Variants in CD200R1 observed in about 807,000 individuals in gnomAD.
The protein encoded by CD200R1 is CD200 receptor 1.
CD200R1 carries 30 observed loss-of-function variants against 38.1 expected under a neutral mutation model. The ratio of observed to expected loss-of-function variants is 0.79; its 90% confidence interval spans 0.59 to 1.07. The LOEUF is 1.07. Among genes scored for constraint, CD200R1 ranks in the 50% least tolerant of loss-of-function variants. The probability of loss-of-function intolerance (pLI) is 0.00; values close to 1 mark genes in which losing one functional copy is unlikely to be tolerated. For synonymous variants in CD200R1, 128 were observed against 152.1 expected, an observed-to-expected ratio of 0.84 and a Z score of 1.16; for missense variants, 372 against 415.4, an observed-to-expected ratio of 0.90 and a Z score of 0.91.
intron 1 of CD200R1, among the ~76,000 whole-genome samples, chr3:112,959,580 C>A (rs1932963715): frequency 1.3e-5 from 2 of 151,960 alleles, no homozygotes; most frequent in African/African-American, 2.4e-5. Flanking sequence ...TACAGTACTT[C>A]AAAAAATAGA....
chr3:112,970,462 G>T (rs1427580502), intron 1 of CD200R1, among the ~76,000 whole-genome samples: 1 of 151,974 alleles, frequency 6.6e-6, no homozygotes, highest in Non-Finnish European at 1.5e-5. Flanking sequence ...TTGATTCTTA[G>T]GGCCTACTAG....
chr3:112,923,817 G>T lies in CD200R1; in HGVS notation c.925-18C>A. ...ATTTCATCCTAAGAAAGAACTCAAA[G>T]TTAAAATCAATTCAAAAAATCATCA... is the stretch of plus-strand genomic sequence containing the variant. On this transcript the variant is annotated intron_variant, in intron 7 of 7. Transcript: ENST00000308611. The T allele has an allele frequency of 6.8e-7, 1 of 1,478,016 alleles. No homozygotes were observed. Among genetic ancestry groups the T allele is most frequent in the Non-Finnish European group, 9.3e-7 (1 of 1,078,340 alleles). The allele number at this position is 1,478,016 out of a possible 1,614,324, so 91.6% of individuals were successfully genotyped here.
In CD200R1 at chr3:112,921,327, A is replaced by C. The variant is rs1444042158; in HGVS notation, c.*2350T>G. On this transcript the variant is annotated 3_prime_UTR_variant, in exon 8 of 8. Coordinates refer to ENST00000308611, the MANE Select transcript of CD200R1 (RefSeq NM_138806.4). ...ATGTGCAAAATTTAACAAACTGTAC[A>C]CTTAAATATATCAATTATATCTCAG... 4 of 152,094 alleles carry C rather than the reference A, an allele frequency of 2.6e-5. No homozygotes were observed. Among genetic ancestry groups the C allele is most frequent in the Non-Finnish European group, 2.9e-5 (2 of 67,998 alleles). The allele number at this position is 152,094 out of a possible 1,614,324, so 9.4% of individuals were successfully genotyped here. A position where few individuals can be genotyped will look rare whatever the true frequency, so the allele number is the denominator to read the frequency against.
Position 112,925,196 on chromosome 3 carries a change from A to AT in CD200R1, c.770-4dup, listed in dbSNP as rs1189337388. ...TGCTGATTTTTTGGCACCTGGAACT[A>AT]TAGACACAAAAATATATGGTTCAAA... On this transcript the variant is annotated splice_polypyrimidine_tract_variant and splice_region_variant and intron_variant, in intron 5 of 7. Transcript: ENST00000308611. The AT allele has an allele frequency of 7.4e-7, 1 of 1,359,350 alleles. No homozygotes were observed. The highest frequency in any genetic ancestry group is 1.4e-5 in the African/African-American group (1 of 69,498). The allele number at this position is 1,359,350 out of a possible 1,614,324, so 84.2% of individuals were successfully genotyped here. A position where few individuals can be genotyped will look rare whatever the true frequency, so the allele number is the denominator to read the frequency against.
rs77310434 is a variant in CD200R1 at position 112,967,534 on chromosome 3, A to G, written c.67+7257T>C. ...ATTTGCAGTAATTGATTTAATATCT[A>G]TCTTTCCCACCAGATTTAAATTCCA... is the stretch of plus-strand genomic sequence containing the variant. On this transcript the variant is annotated intron_variant, in intron 1 of 7. Transcript: ENST00000308611. Among the ~76,000 whole-genome samples the G allele has an allele frequency of 3.5e-3, 526 of 152,348 alleles. 2 individuals carry two copies. The highest frequency in any genetic ancestry group is 0.012 in the African/African-American group (499 of 41,578).
intron 2 of CD200R1, among the ~76,000 whole-genome samples, chr3:112,941,205 G>T (rs150043821): frequency 0.021 from 3,246 of 151,674 alleles, 39 homozygotes; most frequent in South Asian, 0.047. Flanking sequence ...CAAAATTATA[G>T]CTAGGTAGGA....
At chr3:112,930,536 A>C (rs1940403918) in intron 3 of CD200R1, among the ~76,000 whole-genome samples, 1 of 152,248 alleles carries the variant, frequency 6.6e-6, no homozygotes, top group South Asian at 2.1e-4. Context: ...GCATCCCATA[A>C]ATCGACACAA....
intron 1 of CD200R1, among the ~76,000 whole-genome samples, chr3:112,971,596 G>A (rs1163729960): frequency 6.6e-6 from 1 of 152,014 alleles, no homozygotes; most frequent in Non-Finnish European, 1.5e-5. Context: ...TAGTGCCACC[G>A]CCACTCAATG....
chr3:112,967,159 A>G (rs1209147646), intron 1 of CD200R1, among the ~76,000 whole-genome samples: 1 of 151,782 alleles, frequency 6.6e-6, no homozygotes, highest in African/African-American at 2.4e-5. Context: ...CTCCTTGGGC[A>G]TCGTAATGTC....
chr3:112,966,190 G>C (rs1933156478), intron 1 of CD200R1, among the ~76,000 whole-genome samples: 3 of 152,130 alleles, frequency 2.0e-5, no homozygotes, highest in Non-Finnish European at 4.4e-5. Context: ...GATAGTTGGG[G>C]TGATGAGGAA....
intron 6 of CD200R1, among the ~76,000 whole-genome samples, 160 bp from the exon 7 acceptor site, chr3:112,924,695 C>T (rs1226075791): frequency 6.6e-6 from 1 of 151,910 alleles, no homozygotes; most frequent in Non-Finnish European, 1.5e-5. Context: ...GAATACTGCT[C>T]GTGGTTAATA....
rs1270676663 is a variant in CD200R1 at position 112,974,957 on chromosome 3, A to G, written c.-100T>C. 1.1e-6 allele frequency: 1 copy of G among 893,470 alleles called. No homozygotes were observed. The highest frequency in any genetic ancestry group is 1.9e-5 in the Admixed American group (1 of 51,998). The allele number at this position is 893,470 out of a possible 1,614,324, so 55.3% of individuals were successfully genotyped here. A position where few individuals can be genotyped will look rare whatever the true frequency, so the allele number is the denominator to read the frequency against. ...TGAGACCCTCTCTGGTCAACTTCTCAGTACAGGATCCTCTTACCCCATCAA... is the reference window on the plus strand; with the variant it reads ...TGAGACCCTCTCTGGTCAACTTCTCGGTACAGGATCCTCTTACCCCATCAA... On this transcript the variant is annotated 5_prime_UTR_variant, in exon 1 of 8. Coordinates refer to ENST00000308611, the MANE Select transcript of CD200R1 (RefSeq NM_138806.4).
At chr3:112,931,210 T>G (rs778522473) in intron 2 of CD200R1, 39 bp from the exon 3 acceptor site, 5 of 1,337,618 alleles carry the variant, frequency 3.7e-6, no homozygotes, top group Non-Finnish European at 5.4e-6. Flanking sequence ...AAATCAATTT[T>G]ATGTACTCAG....
At chr3:112,958,296 C>A (rs75865773) in intron 1 of CD200R1, among the ~76,000 whole-genome samples, 1 of 152,002 alleles carries the variant, frequency 6.6e-6, no homozygotes, top group Admixed American at 6.6e-5. Flanking sequence ...CAAAGGAATA[C>A]GACTCAATAG....
intron 2 of CD200R1, among the ~76,000 whole-genome samples, chr3:112,938,776 T>A (rs1303332558): frequency 6.6e-6 from 1 of 152,000 alleles, no homozygotes; most frequent in African/African-American, 2.4e-5. Flanking sequence ...ATGTCAAAAC[T>A]CATTTGACAA....
Position 112,947,837 on chromosome 3 carries a change from G to A in CD200R1, c.136+19C>T, listed in dbSNP as rs1464445697. On this transcript the variant is annotated intron_variant, in intron 2 of 7. Transcript: ENST00000308611. Reference sequence around the variant, plus strand: ...CAAGCACTCCCCTACTAGAATTATTGTTAAAAGATGCACATTACCTAAAGC... The same window carrying A: ...CAAGCACTCCCCTACTAGAATTATTATTAAAAGATGCACATTACCTAAAGC... 1 of 1,569,822 alleles carries A rather than the reference G, an allele frequency of 6.4e-7. No homozygotes were observed. Among genetic ancestry groups the A allele is most frequent in the African/African-American group, 1.4e-5 (1 of 73,926 alleles).
In CD200R1 at chr3:112,929,213, C is replaced by T. The variant is rs1490503010; in HGVS notation, c.497G>A (p.Arg166His). The T allele has an allele frequency of 5.0e-6, 8 of 1,614,048 alleles. No homozygotes were observed. Among genetic ancestry groups the T allele is most frequent in the African/African-American group, 2.7e-5 (2 of 74,922 alleles). Residue 166 changes from arginine (R) to histidine (H), a missense_variant, in exon 4 of 8, where the codon CGT becomes CAT. Physicochemically the swap from Arg to His is conservative, Grantham distance 29. Transcript: ENST00000308611. ...IMVTPDGNFH[R>H]GYHLQVLVTP... is the part of the protein sequence containing the mutation. ...ACCTAACACTTGGAGGTGATATCCACGATGGAAATTCCCATCAGGTGTTAC... is the reference window on the plus strand; with the variant it reads ...ACCTAACACTTGGAGGTGATATCCATGATGGAAATTCCCATCAGGTGTTAC...
intron 2 of CD200R1, among the ~76,000 whole-genome samples, chr3:112,940,095 C>T (rs573582989): frequency 2.6e-5 from 4 of 151,956 alleles, no homozygotes; most frequent in Admixed American, 1.3e-4. Context: ...ATAAATGGCG[C>T]TGGGTAAACT....
At chr3:112,968,735 C>T (rs1301094457) in intron 1 of CD200R1, among the ~76,000 whole-genome samples, 2 of 152,180 alleles carry the variant, frequency 1.3e-5, no homozygotes, top group African/African-American at 4.8e-5. Context: ...ACACTCTACC[C>T]ATATCTCTGA....
Sources: allele counts gnomAD v4.1 joint callset (sites outside exome capture counted in the v4.1 genomes callset), GRCh38; gene constraint gnomAD v4.1.1; transcripts MANE v1.5; gene names NCBI Gene and HGNC (gene_info 2026-07-23, HGNC 2026-07-21).